Variants in NFATC3 observed in about 807,000 individuals in gnomAD.
The protein encoded by NFATC3 is nuclear factor of activated T-cells, cytoplasmic 3.
Under a neutral mutation model 98.6 loss-of-function variants are expected in NFATC3, and 46 were observed. That is an observed-to-expected ratio of 0.47 (90% CI 0.37 to 0.60). The LOEUF (loss-of-function observed/expected upper bound fraction) is 0.60, where lower values mean the gene tolerates loss of function less well. Among genes scored for constraint, NFATC3 ranks in the 20% least tolerant of loss-of-function variants. The probability of loss-of-function intolerance (pLI) is 0.00; values close to 1 mark genes in which losing one functional copy is unlikely to be tolerated. For synonymous variants in NFATC3, 512 were observed against 472.2 expected (o/e 1.08, Z -1.09); for missense variants, 1,256 against 1,295.5 (o/e 0.97, Z 0.47).
chr16:68,118,646 T>G (rs2036415736), intron 1 of NFATC3, among the ~76,000 whole-genome samples: 1 of 152,224 alleles, frequency 6.6e-6, no homozygotes, highest in East Asian at 1.9e-4. Context: ...GTCTTATGGC[T>G]TTAAATTTCA....
At chr16:68,167,046 C>A (rs747450668) in intron 5 of NFATC3, 31 bp downstream of exon 5, 3 of 1,594,678 alleles carry the variant, frequency 1.9e-6, no homozygotes. Flanking sequence ...GTTTTAAGAT[C>A]TTGTGTATAA....
intron 2 of NFATC3, among the ~76,000 whole-genome samples, chr16:68,125,977 C>G (rs2036815909): frequency 6.6e-6 from 1 of 152,098 alleles, no homozygotes; most frequent in African/African-American, 2.4e-5. Flanking sequence ...ATTGCAGCCT[C>G]CGTCTCCTGG....
chr16:68,189,125 A>G (rs560527672), intron 8 of NFATC3, among the ~76,000 whole-genome samples: 2 of 152,336 alleles, frequency 1.3e-5, no homozygotes, highest in East Asian at 3.9e-4. Flanking sequence ...TAGTTGACAA[A>G]TGTGTGAGAT....
chr16:68,147,946 A>G (rs1163098798), intron 3 of NFATC3, among the ~76,000 whole-genome samples: 3 of 152,078 alleles, frequency 2.0e-5, no homozygotes, highest in Non-Finnish European at 4.4e-5. Context: ...TTTTGCACAG[A>G]TACACATAAA....
intron 3 of NFATC3, among the ~76,000 whole-genome samples, chr16:68,153,807 G>T (rs1339171174): frequency 6.6e-6 from 1 of 151,958 alleles, no homozygotes; most frequent in African/African-American, 2.4e-5. Flanking sequence ...TAGAGATGGA[G>T]TTTCACCGTG....
intron 9 of NFATC3, chr16:68,217,890 C>T: frequency 8.2e-7 from 1 of 1,225,596 alleles, no homozygotes; most frequent in Non-Finnish European, 1.0e-6. Context: ...ACTGGGGAAG[C>T]CAGGAAATAT....
At position 68,174,430 on chromosome 16, in the gene NFATC3, T is replaced by C. The variant is rs1200817887; in HGVS notation, c.1831T>C (p.Ser611Pro). Residue 611 changes from serine to proline, a missense_variant, in exon 6 of 10, where the codon TCT becomes CCT. Ser to Pro is a moderately conservative substitution (Grantham distance 74). Coordinates refer to ENST00000346183, the MANE Select transcript of NFATC3 (RefSeq NM_173165.3). ...HIEKYSINSC[S>P]VNGGHEMVVT... The stretch of plus-strand genomic sequence containing the variant: ...TGAGAAGTACAGTATCAACAGTTGT[T>C]CTGTAAATGGAGGTCATGAAATGGT... 6.2e-7 allele frequency: 1 copy of C among 1,605,422 alleles called. No homozygotes were observed. Among genetic ancestry groups the C allele is most frequent in the Non-Finnish European group, 8.5e-7 (1 of 1,175,652 alleles).
chr16:68,163,254 A>G (rs2038984637), intron 4 of NFATC3, among the ~76,000 whole-genome samples: 1 of 151,738 alleles, frequency 6.6e-6, no homozygotes, highest in Non-Finnish European at 1.5e-5. Context: ...GCTGTTGGGT[A>G]CACCTCCCAG....
chr16:68,121,285 C>CA (rs1471995171), intron 1 of NFATC3, among the ~76,000 whole-genome samples: 1 of 125,874 alleles, frequency 7.9e-6, no homozygotes, highest in Non-Finnish European at 1.6e-5. Flanking sequence ...CTTGCTGTGT[C>CA]ACCCAGGCTG....
chr16:68,139,183 C>T (rs1185154788), intron 3 of NFATC3, among the ~76,000 whole-genome samples: 7 of 151,952 alleles, frequency 4.6e-5, no homozygotes, highest in East Asian at 1.9e-4. Flanking sequence ...AGTATTGATG[C>T]GATAGAGGTT....
At chr16:68,181,739 G>A (rs534339505) in intron 7 of NFATC3, among the ~76,000 whole-genome samples, 6 of 152,212 alleles carry the variant, frequency 3.9e-5, no homozygotes, top group East Asian at 1.9e-4. Context: ...AGACAAGCCC[G>A]AGCAACATGG....
At chr16:68,180,230 T>C (rs951441824) in intron 6 of NFATC3, among the ~76,000 whole-genome samples, 2 of 152,148 alleles carry the variant, frequency 1.3e-5, no homozygotes, top group South Asian at 2.1e-4. Context: ...CAAGCAGATA[T>C]AACAGCTTTT....
In NFATC3 at chr16:68,147,837, T is replaced by C. The variant is rs191901721; in HGVS notation, c.1402-10032T>C. ...TATAACCACTCTCTACCTTCATTTT[T>C]TTTTACCTCTGGGTATAAATCTGGA... On this transcript the variant is annotated intron_variant, in intron 3 of 9. Transcript: ENST00000346183. Among the ~76,000 whole-genome samples, 1,213 of 152,108 alleles carry C rather than the reference T, an allele frequency of 8.0e-3. 16 individuals carry two copies. Among genetic ancestry groups the C allele is most frequent in the African/African-American group, 0.027 (1,135 of 41,454 alleles).
At chr16:68,110,031 G>A (rs559287563) in intron 1 of NFATC3, among the ~76,000 whole-genome samples, 1 of 152,184 alleles carries the variant, frequency 6.6e-6, no homozygotes, top group East Asian at 1.9e-4. Flanking sequence ...TTGAGATGGA[G>A]TCTCACTCTG....
intron 7 of NFATC3, 94 bp from the exon 8 acceptor site, chr16:68,183,146 G>T: frequency 7.7e-7 from 1 of 1,294,442 alleles, no homozygotes; most frequent in East Asian, 2.5e-5. Flanking sequence ...CTATGCTGGA[G>T]CCTTGTAGTT....
Position 68,122,056 on chromosome 16 carries a change from C to T in NFATC3, c.173C>T (p.Thr58Ile), listed in dbSNP as rs1490609356. ...GATCCACCTCCATCTACTTTAACCA[C>T]ACCACTTTGCTTACCACATCATGGA... The part of the protein sequence containing the change: ...NVDPPPSTLT[T>I]PLCLPHHGLP... The change falls in exon 2 of 10, where the codon ACA becomes ATA. Residue 58 changes from threonine to isoleucine, a missense_variant. Thr to Ile is a moderately conservative substitution (Grantham distance 89). Transcript: ENST00000346183. 2 of 1,613,768 alleles carry T rather than the reference C, an allele frequency of 1.2e-6. No homozygotes were observed. The highest frequency in any genetic ancestry group is 1.7e-6 in the Non-Finnish European group (2 of 1,179,972).
At chr16:68,156,796 G>A (rs557772338) in intron 3 of NFATC3, among the ~76,000 whole-genome samples, 4 of 152,090 alleles carry the variant, frequency 2.6e-5, no homozygotes, top group African/African-American at 7.2e-5. Context: ...AAAATTAGCC[G>A]GGCATGTTGG....
At chr16:68,144,988 G>A (rs74626917) in intron 3 of NFATC3, among the ~76,000 whole-genome samples, 7 of 151,686 alleles carry the variant, frequency 4.6e-5, no homozygotes, top group Non-Finnish European at 7.4e-5. Flanking sequence ...AATTTTTTTC[G>A]TAGAGATGGC....
At chr16:68,103,011 A>G (rs773855990) in intron 1 of NFATC3, among the ~76,000 whole-genome samples, 7 of 152,024 alleles carry the variant, frequency 4.6e-5, no homozygotes, top group Non-Finnish European at 7.4e-5. Flanking sequence ...TCTTCTTTGG[A>G]GAAATGCCTA....
Sources: allele counts gnomAD v4.1 joint callset (sites outside exome capture counted in the v4.1 genomes callset), GRCh38; gene constraint gnomAD v4.1.1; transcripts MANE v1.5; gene names NCBI Gene and HGNC (gene_info 2026-07-23, HGNC 2026-07-21).